The following NRXN1 variants were observed in gnomAD, a reference collection of about 807,000 sequenced individuals.
NRXN1 encodes the protein neurexin 1.
A neutral mutation model predicts 150.9 loss-of-function variants in NRXN1; 39 were observed. That is an observed-to-expected ratio of 0.26 (90% confidence interval 0.20 to 0.34). The LOEUF is 0.34. Among genes scored for constraint, NRXN1 ranks in the 10% least tolerant of loss-of-function variants. The pLI is 1.00. For missense variants in NRXN1, 1,815 were observed against 1,949.9 expected, an observed-to-expected ratio of 0.93 and a Z score of 1.30; for synonymous variants, 924 against 757.0, an observed-to-expected ratio of 1.22 and a Z score of -3.62.
Position 50,646,641 on chromosome 2 carries a change from G to A in NRXN1, c.833-23026C>T, listed in dbSNP as rs146631704. ...GAACTAGGTTCAATTATTCAACTAC[G>A]GAAAAGTCCCCTTTTTATGATTCCT... On this transcript the variant is annotated intron_variant, in intron 5 of 22. Transcript: ENST00000401669. Among the ~76,000 whole-genome samples, 332 of 151,296 alleles carry A rather than the reference G, an allele frequency of 2.2e-3. 1 individual carries two copies. Among genetic ancestry groups the A allele is most frequent in the Non-Finnish European group, 2.6e-3 (177 of 67,848 alleles).
intron 17 of NRXN1, among the ~76,000 whole-genome samples, chr2:50,406,597 T>C (rs151305704): frequency 0.01 from 1,528 of 152,212 alleles, 21 homozygotes; most frequent in African/African-American, 0.035. Flanking sequence ...AGGATCTGAG[T>C]GGAAAGACAG....
intron 12 of NRXN1, among the ~76,000 whole-genome samples, chr2:50,522,631 A>G (rs1284889983): frequency 1.3e-5 from 2 of 151,930 alleles, no homozygotes; most frequent in East Asian, 3.9e-4. Flanking sequence ...TAAATATGCA[A>G]TGAAAGCTGT....
chr2:50,513,666 T>C (rs940020986), intron 12 of NRXN1, among the ~76,000 whole-genome samples: 1 of 152,070 alleles, frequency 6.6e-6, no homozygotes, highest in Non-Finnish European at 1.5e-5. Flanking sequence ...TTTATGAATG[T>C]GGAGGGAAAA....
At chr2:50,047,056 C>T (rs1341424768) in intron 21 of NRXN1, among the ~76,000 whole-genome samples, 2 of 152,090 alleles carry the variant, frequency 1.3e-5, no homozygotes, top group East Asian at 3.9e-4. Flanking sequence ...AACAATATGA[C>T]TGTATTTGCA....
chr2:50,260,502 A>G (rs2068143205), intron 17 of NRXN1, among the ~76,000 whole-genome samples: 1 of 151,806 alleles, frequency 6.6e-6, no homozygotes, highest in African/African-American at 2.4e-5. Flanking sequence ...CTATTGGAAT[A>G]CAACCACACT....
intron 17 of NRXN1, among the ~76,000 whole-genome samples, chr2:50,429,980 G>A (rs1354136769): frequency 9.9e-5 from 15 of 152,000 alleles, no homozygotes; most frequent in Non-Finnish European, 1.5e-5. Context: ...TTCAGCATGT[G>A]CCCTTTATAT....
chr2:49,936,531 T>C (rs553834585), intron 22 of NRXN1, among the ~76,000 whole-genome samples: 57 of 152,270 alleles, frequency 3.7e-4, no homozygotes, highest in African/African-American at 1.3e-3. Flanking sequence ...CTCCCCATTT[T>C]ACAGACTAGG....
chr2:50,240,711 A>G (rs1303222686), intron 17 of NRXN1, among the ~76,000 whole-genome samples: 3 of 151,694 alleles, frequency 2.0e-5, no homozygotes, highest in Non-Finnish European at 3.0e-5. Flanking sequence ...CTTGGTAGCC[A>G]TTTATTCTGT....
At chr2:50,937,291 C>T (rs956819446) in intron 2 of NRXN1, among the ~76,000 whole-genome samples, 9 of 152,116 alleles carry the variant, frequency 5.9e-5, no homozygotes, top group African/African-American at 1.7e-4. Context: ...TTCCATTCCC[C>T]TTCTTTTGTT....
At chr2:49,968,479 C>T (rs1224832634) in intron 21 of NRXN1, among the ~76,000 whole-genome samples, 1 of 151,964 alleles carries the variant, frequency 6.6e-6, no homozygotes, top group African/African-American at 2.4e-5. Flanking sequence ...CAATAGGAAA[C>T]AACCCCCTTG....
chr2:50,201,993 A>T (rs529041436), intron 18 of NRXN1, among the ~76,000 whole-genome samples: 3 of 152,302 alleles, frequency 2.0e-5, no homozygotes, highest in African/African-American at 7.2e-5. Context: ...TATTCAATAC[A>T]TTGTTACTGA....
intron 5 of NRXN1, among the ~76,000 whole-genome samples, chr2:50,784,137 C>G (rs2105538903): frequency 6.6e-6 from 1 of 152,186 alleles, no homozygotes; most frequent in Middle Eastern, 3.4e-3. Context: ...ATGTGTGAGA[C>G]AGATTGGAAG....
At chr2:50,720,997 G>A (rs1472477990) in intron 5 of NRXN1, among the ~76,000 whole-genome samples, 1 of 152,128 alleles carries the variant, frequency 6.6e-6, no homozygotes, top group East Asian at 1.9e-4. Flanking sequence ...TCTGGTTCCT[G>A]GGAGTCAGAG....
At chr2:50,665,450 C>G (rs1252177928) in intron 5 of NRXN1, among the ~76,000 whole-genome samples, 1 of 151,756 alleles carries the variant, frequency 6.6e-6, no homozygotes, top group Non-Finnish European at 1.5e-5. Context: ...TTCTGAAATT[C>G]CCCTACTAGA....
At chr2:50,046,807 C>T (rs981488299) in intron 21 of NRXN1, among the ~76,000 whole-genome samples, 5 of 152,132 alleles carry the variant, frequency 3.3e-5, no homozygotes, top group African/African-American at 1.2e-4. Context: ...AGCTTTCAGA[C>T]CTTAGACTCC....
In NRXN1 at chr2:50,717,771, G is replaced by A. The variant is rs536553884; in HGVS notation, c.833-94156C>T. On this transcript the variant is annotated intron_variant, in intron 5 of 22. Coordinates refer to ENST00000401669, the MANE Select transcript of NRXN1 (RefSeq NM_001330078.2). ...TGAAGGCCCACTTCCAGGTTCACAG[G>A]TGGCACTCTTTTTACTGTGCCATTG... Among the ~76,000 whole-genome samples, 11 of 152,222 alleles carry A rather than the reference G, an allele frequency of 7.2e-5. No individual in the cohort carries two copies. In the South Asian group the frequency reaches 1.5e-3, roughly 20 times the overall value.
chr2:50,522,981 C>A (rs577373049), intron 12 of NRXN1, among the ~76,000 whole-genome samples: 1 of 151,724 alleles, frequency 6.6e-6, no homozygotes, highest in African/African-American at 2.4e-5. Flanking sequence ...GTGATCCACC[C>A]GCCTCAGCCT....
chr2:50,190,715 C>A (rs996030610), intron 18 of NRXN1, among the ~76,000 whole-genome samples: 1 of 150,408 alleles, frequency 6.6e-6, no homozygotes, highest in Non-Finnish European at 1.5e-5. Flanking sequence ...CAAGTTCAAG[C>A]GATTCTCCTG....
rs766377217 is a variant in NRXN1, at chr2:50,118,895, T to C, written c.3547-27401A>G. ...CAGGAAGGATTTTGTTGCATGTAAG[T>C]TAGAGTTTAAAGCCAGGTTTATTTT... On this transcript the variant is annotated intron_variant, in intron 18 of 22. Coordinates refer to ENST00000401669, the MANE Select transcript of NRXN1 (RefSeq NM_001330078.2). Among the ~76,000 whole-genome samples, 83 of 152,214 alleles carry C rather than the reference T, an allele frequency of 5.5e-4. 2 individuals carry two copies. Among genetic ancestry groups the C allele is most frequent in the Non-Finnish European group, 3.8e-4 (26 of 68,012 alleles).
Sources: allele counts gnomAD v4.1 joint callset (sites outside exome capture counted in the v4.1 genomes callset), GRCh38; gene constraint gnomAD v4.1.1; transcripts MANE v1.5; gene names NCBI Gene and HGNC (gene_info 2026-07-23, HGNC 2026-07-21).